The following SYNCRIP variants were observed in gnomAD, a reference collection of about 807,000 sequenced individuals.
SYNCRIP encodes the protein heterogeneous nuclear ribonucleoprotein Q.
In SYNCRIP, 9 loss-of-function variants were observed where a neutral mutation model predicts 68.9. The ratio of observed to expected loss-of-function variants is 0.13; its 90% confidence interval spans 0.08 to 0.23. SYNCRIP has a LOEUF of 0.23. SYNCRIP is among the 10% of genes least tolerant of loss of function. SYNCRIP has a pLI of 1.00. For missense variants in SYNCRIP, 414 were observed against 770.6 expected (o/e 0.54, Z 5.48); for synonymous variants, 258 against 254.0 (o/e 1.02, Z -0.15).
chr6:85,615,923 T>C (rs1361316348), intron 10 of SYNCRIP, among the ~76,000 whole-genome samples: 1 of 152,224 alleles, frequency 6.6e-6, no homozygotes, highest in African/African-American at 2.4e-5. Flanking sequence ...ACAACCAAAA[T>C]GTGTGAAGTT....
At chr6:85,641,866 T>A (rs943973621) in intron 1 of SYNCRIP, among the ~76,000 whole-genome samples, 16 of 151,984 alleles carry the variant, frequency 1.1e-4, no homozygotes, top group African/African-American at 3.9e-4. Flanking sequence ...TATAGATCGG[T>A]AACAACAGCC....
intron 6 of SYNCRIP, among the ~76,000 whole-genome samples, chr6:85,632,333 C>T (rs1293080873): frequency 6.6e-6 from 1 of 152,088 alleles, no homozygotes; most frequent in Admixed American, 6.6e-5. Context: ...GGCACTTTCC[C>T]AACATTTAGT....
chr6:85,614,702 G>A lies in SYNCRIP; in HGVS notation c.*54C>T. On this transcript the variant is annotated 3_prime_UTR_variant, in exon 11 of 11. Coordinates refer to ENST00000369622, the MANE Select transcript of SYNCRIP (RefSeq NM_006372.5). ...TATAGCGGCACCCGTTCAGATTTAGGGTGAGTTTCTGATCAACCTATCAGT... is the reference window on the plus strand; with the variant it reads ...TATAGCGGCACCCGTTCAGATTTAGAGTGAGTTTCTGATCAACCTATCAGT... The A allele has an allele frequency of 6.6e-7, 1 of 1,507,308 alleles. No individual in the cohort carries two copies. The highest frequency in any genetic ancestry group is 8.9e-7 in the Non-Finnish European group (1 of 1,129,498). The allele number at this position is 1,507,308 out of a possible 1,614,324, so 93.4% of individuals were successfully genotyped here.
At chr6:85,642,405 A>C (rs1051564704) in intron 1 of SYNCRIP, among the ~76,000 whole-genome samples, 43 of 152,202 alleles carry the variant, frequency 2.8e-4, no homozygotes, top group Non-Finnish European at 8.8e-5. Flanking sequence ...CGTTCAGCGG[A>C]CGGCTCAACG....
At chr6:85,621,301 C>CA (rs1437018882) in intron 8 of SYNCRIP, among the ~76,000 whole-genome samples, 1 of 152,100 alleles carries the variant, frequency 6.6e-6, no homozygotes, top group Non-Finnish European at 1.5e-5. Context: ...CTGTAAGTAA[C>CA]AAAGAGGGAA....
chr6:85,640,074 T>G, intron 4 of SYNCRIP, 147 bp downstream of exon 4: 1 of 619,564 alleles, frequency 1.6e-6, no homozygotes, highest in Non-Finnish European at 2.8e-6. Flanking sequence ...ACAAATAGTT[T>G]AAAAAAACTT....
intron 6 of SYNCRIP, among the ~76,000 whole-genome samples, chr6:85,627,465 C>T (rs761240605): frequency 2.6e-5 from 4 of 151,868 alleles, no homozygotes; most frequent in East Asian, 3.9e-4. Context: ...TTTTTTTGTA[C>T]GTGTATTTGA....
chr6:85,631,437 C>A (rs1232592713), intron 6 of SYNCRIP, among the ~76,000 whole-genome samples: 1 of 150,960 alleles, frequency 6.6e-6, no homozygotes, highest in Non-Finnish European at 1.5e-5. Flanking sequence ...AGGAACTTGT[C>A]TGGATAGGGC....
intron 4 of SYNCRIP, among the ~76,000 whole-genome samples, 189 bp downstream of exon 4, chr6:85,640,032 C>T (rs1267598365): frequency 6.6e-6 from 1 of 152,036 alleles, no homozygotes; most frequent in African/African-American, 2.4e-5. Flanking sequence ...AGCTGGATAA[C>T]ATGATAAACT....
chr6:85,614,021 T>C lies in SYNCRIP; in HGVS notation c.*735A>G. ...TTATTTTTGATGGGAACATGAAGTC[T>C]GTTGTAAAATAGCACTTTAAACCAG... On this transcript the variant is annotated 3_prime_UTR_variant, in exon 11 of 11. Transcript: ENST00000369622. 3 of 985,518 alleles carry C rather than the reference T, an allele frequency of 3.0e-6. No homozygotes were observed. In the South Asian group the frequency reaches 1.4e-4, roughly 46 times the overall value. 61.0% of individuals were successfully genotyped at this position (985,518 alleles called of 1,614,324 possible).
chr6:85,621,700 T>C (rs921962146), intron 8 of SYNCRIP, among the ~76,000 whole-genome samples: 2 of 152,104 alleles, frequency 1.3e-5, no homozygotes, highest in Admixed American at 1.3e-4. Flanking sequence ...CAAGGGATGT[T>C]TATTCTTATA....
chr6:85,640,374 GTC>G, intron 3 of SYNCRIP, 46 bp from the exon 4 acceptor site: 1 of 1,587,642 alleles, frequency 6.3e-7, no homozygotes, highest in Non-Finnish European at 8.6e-7. Context: ...CCATATCTGA[GTC>G]TAATAAAATT....
intron 4 of SYNCRIP, among the ~76,000 whole-genome samples, chr6:85,638,464 C>T (rs764790604): frequency 4.7e-5 from 7 of 147,862 alleles, no homozygotes; most frequent in Non-Finnish European, 7.5e-5. Flanking sequence ...CCCTTCTCCA[C>T]TGTCTCAACC....
chr6:85,641,191 C>A, intron 2 of SYNCRIP, 101 bp downstream of exon 2: 1 of 903,098 alleles, frequency 1.1e-6, no homozygotes, highest in East Asian at 2.5e-5. Context: ...AACTCCAGTA[C>A]CCACACTTAT....
intron 6 of SYNCRIP, among the ~76,000 whole-genome samples, chr6:85,635,508 G>T (rs1211494766): frequency 1.3e-5 from 2 of 152,062 alleles, no homozygotes; most frequent in African/African-American, 2.4e-5. Context: ...AGTGGCACAC[G>T]TCTGCAATCC....
intron 6 of SYNCRIP, among the ~76,000 whole-genome samples, chr6:85,635,405 T>C (rs1293296852): frequency 6.6e-6 from 1 of 152,204 alleles, no homozygotes; most frequent in Non-Finnish European, 1.5e-5. Context: ...TCAAGTAACA[T>C]AATTTTGTAC....
At chr6:85,613,070 G>T (rs1183545029), downstream of SYNCRIP, 1 of 930,076 alleles carries the variant, frequency 1.1e-6, no homozygotes, top group Non-Finnish European at 1.5e-6. Context: ...TAATAACTAT[G>T]AACTTCTTTT....
At chr6:85,620,115 A>T (rs1806221365) in intron 8 of SYNCRIP, among the ~76,000 whole-genome samples, 1 of 152,158 alleles carries the variant, frequency 6.6e-6, no homozygotes, top group South Asian at 2.1e-4. Context: ...GTGCGATGGT[A>T]CGCAACTATG....
At chr6:85,625,589 T>C (rs1806945037) in intron 6 of SYNCRIP, among the ~76,000 whole-genome samples, 1 of 152,140 alleles carries the variant, frequency 6.6e-6, no homozygotes, top group African/African-American at 2.4e-5. Context: ...GGTTTCACCA[T>C]GTTGGCCAGG....
Sources: gnomAD v4.1 joint callset for allele counts (sites outside exome capture counted in the v4.1 genomes callset) on GRCh38, gnomAD v4.1.1 for gene constraint, MANE v1.5 for transcripts, NCBI Gene and HGNC (gene_info 2026-07-23, HGNC 2026-07-21) for gene names.